Variants in GRM7 observed in about 807,000 individuals in gnomAD.
The protein encoded by GRM7 is metabotropic glutamate receptor 7.
In GRM7, 35 loss-of-function variants were observed where a neutral mutation model predicts 84.5. The ratio of observed to expected loss-of-function variants is 0.41; its 90% confidence interval spans 0.32 to 0.55. The LOEUF is 0.55. Among genes scored for constraint, GRM7 ranks in the 20% least tolerant of loss-of-function variants. The probability of loss-of-function intolerance (pLI) is 0.19; values close to 1 mark genes in which losing one functional copy is unlikely to be tolerated. For missense variants in GRM7, 1,003 were observed against 1,194.6 expected, an observed-to-expected ratio of 0.84 and a Z score of 2.36; for synonymous variants, 487 against 455.1, an observed-to-expected ratio of 1.07 and a Z score of -0.89.
At chr3:7,375,892 T>G (rs1694330125) in intron 4 of GRM7, among the ~76,000 whole-genome samples, 1 of 152,194 alleles carries the variant, frequency 6.6e-6, no homozygotes, top group South Asian at 2.1e-4. Flanking sequence ...GAACACATGC[T>G]GATGTTGGGC....
chr3:7,445,941 G>GAA (rs1697485851), intron 5 of GRM7, among the ~76,000 whole-genome samples: 1 of 152,078 alleles, frequency 6.6e-6, no homozygotes, highest in Admixed American at 6.6e-5. Flanking sequence ...TGCTGTCCCT[G>GAA]TGTCCCCTTC....
rs541590225 is a variant in GRM7 at position 7,477,964 on chromosome 3, C to A, written c.1515+16242C>A. Among the ~76,000 whole-genome samples the A allele has an allele frequency of 5.3e-5, 8 of 152,186 alleles. No individual in the cohort carries two copies. In the East Asian group the frequency reaches 1.4e-3, roughly 26 times the overall value. The stretch of plus-strand genomic sequence containing the variant: ...TGTCCTTAATCATGATCCAATCTTC[C>A]TGCTCTTCCTGAAGAGCAAGTTCAA... On this transcript the variant is annotated intron_variant, in intron 7 of 9. Coordinates refer to ENST00000357716, the MANE Select transcript of GRM7 (RefSeq NM_000844.4).
intron 8 of GRM7, among the ~76,000 whole-genome samples, chr3:7,639,422 G>C (rs750994369): frequency 1.3e-5 from 2 of 152,060 alleles, no homozygotes; most frequent in African/African-American, 4.8e-5. Context: ...TTAATATATT[G>C]CAAGTATTTC....
chr3:7,306,577 A>G lies in GRM7; in HGVS notation c.958A>G (p.Ile320Val), dbSNP rs781746536. The G allele has an allele frequency of 3.1e-6, 5 of 1,613,824 alleles. No homozygotes were observed. The East Asian group carries it at 1.1e-4, about 36-fold the overall frequency. Residue 320 changes from isoleucine to valine, a missense_variant, in exon 4 of 10, where the codon ATA becomes GTA. Coordinates refer to ENST00000357716, the MANE Select transcript of GRM7 (RefSeq NM_000844.4). ...WVGSDSWGSK[I>V]NPLHQHEDIA... The stretch of plus-strand genomic sequence containing the variant: ...GGGATCAGACAGCTGGGGATCCAAA[A>G]TAAACCCACTGCACCAGCATGAAGA...
chr3:7,507,569 C>T (rs962517084), intron 7 of GRM7, among the ~76,000 whole-genome samples: 11 of 152,114 alleles, frequency 7.2e-5, no homozygotes, highest in Admixed American at 3.3e-4. Context: ...AGATAAAAGC[C>T]GAGGCCAAGT....
chr3:7,627,907 T>A (rs185888697), intron 8 of GRM7, among the ~76,000 whole-genome samples: 1 of 152,288 alleles, frequency 6.6e-6, no homozygotes, highest in East Asian at 1.9e-4. Context: ...AATTACCTTT[T>A]AAAAATTTCA....
intron 4 of GRM7, among the ~76,000 whole-genome samples, chr3:7,356,348 C>T (rs1693401729): frequency 6.6e-6 from 1 of 151,604 alleles, no homozygotes; most frequent in Non-Finnish European, 1.5e-5. Flanking sequence ...GTCGCCCAGG[C>T]TGGTGTATAG....
At chr3:7,082,145 A>G (rs574762791) in intron 1 of GRM7, among the ~76,000 whole-genome samples, 3 of 152,254 alleles carry the variant, frequency 2.0e-5, no homozygotes, top group South Asian at 4.1e-4. Flanking sequence ...AGAAGATTTC[A>G]TCTGGGACTT....
At position 7,081,759 on chromosome 3, in the gene GRM7, A is replaced by G. The variant is rs535603920; in HGVS notation, c.520-64693A>G. 2.3e-3 allele frequency among the ~76,000 whole-genome samples: 344 copies of G among 152,262 alleles called. 1 individual carries two copies. In the Middle Eastern group the frequency reaches 0.034, roughly 15 times the overall value. ...TAACTACTACTGCAGTGAACACACA[A>G]ATGATAAATAAGTGAAACTGCTTTA... On this transcript the variant is annotated intron_variant, in intron 1 of 9. Transcript: ENST00000357716.
At chr3:7,661,381 A>G (rs1253736783) in intron 8 of GRM7, among the ~76,000 whole-genome samples, 1 of 152,246 alleles carries the variant, frequency 6.6e-6, no homozygotes, top group Non-Finnish European at 1.5e-5. Flanking sequence ...AACAAAAATT[A>G]AAACCACAAT....
chr3:7,648,981 T>C (rs772714800), intron 8 of GRM7, among the ~76,000 whole-genome samples: 35 of 133,228 alleles, frequency 2.6e-4, no homozygotes, highest in Non-Finnish European at 2.4e-4. Context: ...CACTCATTGT[T>C]TCCCCCCAGG....
intron 1 of GRM7, among the ~76,000 whole-genome samples, chr3:7,012,475 C>G (rs553606182): frequency 6.6e-6 from 1 of 152,086 alleles, no homozygotes; most frequent in African/African-American, 2.4e-5. Flanking sequence ...GAATAGCCCT[C>G]ATTGACATAT....
chr3:6,867,611 A>T (rs1300843925), intron 1 of GRM7, among the ~76,000 whole-genome samples: 1 of 152,106 alleles, frequency 6.6e-6, no homozygotes, highest in East Asian at 1.9e-4. Flanking sequence ...AACAAGCCTA[A>T]CTCTGCTTCT....
intron 5 of GRM7, among the ~76,000 whole-genome samples, chr3:7,431,564 C>T (rs745750624): frequency 6.6e-6 from 1 of 152,132 alleles, no homozygotes; most frequent in Admixed American, 6.5e-5. Flanking sequence ...AGCTGGAGTT[C>T]GGTAACTTGA....
intron 7 of GRM7, among the ~76,000 whole-genome samples, chr3:7,548,214 A>G (rs1693266013): frequency 6.6e-6 from 1 of 152,184 alleles, no homozygotes; most frequent in Non-Finnish European, 1.5e-5. Flanking sequence ...TCCTCTAGGT[A>G]ATGAGTGAAT....
At chr3:7,134,480 T>C (rs964900572) in intron 1 of GRM7, among the ~76,000 whole-genome samples, 2 of 152,098 alleles carry the variant, frequency 1.3e-5, no homozygotes, top group Non-Finnish European at 2.9e-5. Flanking sequence ...ACTTATATGG[T>C]TTCCTCTCAG....
intron 8 of GRM7, among the ~76,000 whole-genome samples, chr3:7,585,295 A>T (rs2125058538): frequency 6.6e-6 from 1 of 152,256 alleles, no homozygotes; most frequent in Middle Eastern, 3.4e-3. Context: ...CTCTCTAAAC[A>T]GCTGTCAGAA....
At chr3:7,739,607 T>G (rs1324029710) in intron 9 of GRM7, among the ~76,000 whole-genome samples, 3 of 152,134 alleles carry the variant, frequency 2.0e-5, no homozygotes, top group African/African-American at 7.2e-5. Context: ...CATGAGGACA[T>G]GAAATCTGCT....
chr3:6,927,889 C>T (rs1341208422), intron 1 of GRM7, among the ~76,000 whole-genome samples: 1 of 152,038 alleles, frequency 6.6e-6, no homozygotes, highest in African/African-American at 2.4e-5. Context: ...CCAAGTTTTT[C>T]GTTTTACAAA....
Sources: gnomAD v4.1 joint callset for allele counts (sites outside exome capture counted in the v4.1 genomes callset) on GRCh38, gnomAD v4.1.1 for gene constraint, MANE v1.5 for transcripts, NCBI Gene and HGNC (gene_info 2026-07-23, HGNC 2026-07-21) for gene names.